Variants in ADCY9 observed in about 807,000 individuals in gnomAD.
The protein encoded by ADCY9 is adenylate cyclase type 9.
A neutral mutation model predicts 101.5 loss-of-function variants in ADCY9; 50 were observed. The ratio of observed to expected loss-of-function variants is 0.49; its 90% confidence interval spans 0.39 to 0.62. ADCY9 has a LOEUF of 0.62. Among genes scored for constraint, ADCY9 ranks in the 20% least tolerant of loss-of-function variants. The pLI is 0.00. For missense variants in ADCY9, 1,662 were observed against 1,800.4 expected, an observed-to-expected ratio of 0.92 and a Z score of 1.39; for synonymous variants, 905 against 769.3, an observed-to-expected ratio of 1.18 and a Z score of -2.92.
intron 10 of ADCY9, among the ~76,000 whole-genome samples, chr16:3,973,634 G>T (rs918529781): frequency 6.6e-6 from 1 of 151,880 alleles, no homozygotes; most frequent in African/African-American, 2.4e-5. Context: ...TGGGACTACA[G>T]GTGCATACCA....
chr16:4,076,508 G>A (rs1011114109), intron 2 of ADCY9, among the ~76,000 whole-genome samples: 7 of 152,216 alleles, frequency 4.6e-5, no homozygotes, highest in African/African-American at 1.7e-4. Context: ...TTTTCTTGCA[G>A]ATGAAATATT....
At chr16:3,974,482 A>G (rs1415341859) in intron 10 of ADCY9, among the ~76,000 whole-genome samples, 187 bp downstream of exon 10, 1 of 152,180 alleles carries the variant, frequency 6.6e-6, no homozygotes, top group Non-Finnish European at 1.5e-5. Flanking sequence ...AACTAATTTT[A>G]TTTTCCCCAT....
intron 6 of ADCY9, among the ~76,000 whole-genome samples, chr16:3,988,715 C>T (rs1384703442): frequency 6.6e-6 from 1 of 152,010 alleles, no homozygotes; most frequent in African/African-American, 2.4e-5. Context: ...GGGGGGGCCC[C>T]TTCCAAGGCT....
In ADCY9 at chr16:3,993,396, A is replaced by G. The variant is rs1567428512; in HGVS notation, c.1989+10T>C. ...GGAACTGACAGGAACAACAGCCATG[A>G]GCTTGTTACCTTGGTGCTGTTTTTA... On this transcript the variant is annotated intron_variant, in intron 4 of 10. Coordinates refer to ENST00000294016, the MANE Select transcript of ADCY9 (RefSeq NM_001116.4). 2 of 1,613,218 alleles carry G rather than the reference A, an allele frequency of 1.2e-6. No individual in the cohort carries two copies.
intron 2 of ADCY9, among the ~76,000 whole-genome samples, chr16:4,047,577 G>A (rs559886370): frequency 2.0e-5 from 3 of 152,062 alleles, no homozygotes; most frequent in African/African-American, 4.8e-5. Flanking sequence ...ACTGGTATTC[G>A]TTCAAGATGG....
intron 2 of ADCY9, among the ~76,000 whole-genome samples, chr16:4,054,803 G>A (rs1281707316): frequency 1.3e-5 from 2 of 152,022 alleles, no homozygotes; most frequent in South Asian, 2.1e-4. Context: ...TCCTGACCTC[G>A]TGATCCACCT....
intron 2 of ADCY9, among the ~76,000 whole-genome samples, chr16:4,008,659 C>T (rs537478269): frequency 6.6e-6 from 1 of 151,946 alleles, no homozygotes; most frequent in Non-Finnish European, 1.5e-5. Flanking sequence ...GCAGCCTCCA[C>T]CTCCTGGGTT....
chr16:4,044,945 A>C (rs1033083468), intron 2 of ADCY9, among the ~76,000 whole-genome samples: 1 of 152,092 alleles, frequency 6.6e-6, no homozygotes, highest in South Asian at 2.1e-4. Context: ...GTGACTGCCA[A>C]CTCTTTACGA....
chr16:4,111,680 A>T (rs73492581), intron 2 of ADCY9, among the ~76,000 whole-genome samples: 5,755 of 152,226 alleles, frequency 0.038, 343 homozygotes, highest in African/African-American at 0.13. Flanking sequence ...TAAAGGAAAG[A>T]ATATCACTTT....
At chr16:4,018,951 T>TTTGTGTGTGTGTGTGTGTG (rs1555509531) in intron 2 of ADCY9, among the ~76,000 whole-genome samples, 2 of 138,930 alleles carry the variant, frequency 1.4e-5, no homozygotes, top group Non-Finnish European at 3.1e-5. Flanking sequence ...AGAATCGCAG[T>TTTGTGTGTGTGTGTGTGTG]TGTGTGTGTG....
At chr16:3,991,617 T>C (rs1344176892) in intron 5 of ADCY9, among the ~76,000 whole-genome samples, 1 of 151,404 alleles carries the variant, frequency 6.6e-6, no homozygotes, top group Non-Finnish European at 1.5e-5. Flanking sequence ...AAAAATTAGC[T>C]GGGCATGGTT....
chr16:4,018,914 G>C (rs1336373808), intron 2 of ADCY9, among the ~76,000 whole-genome samples: 1 of 131,656 alleles, frequency 7.6e-6, no homozygotes, highest in Non-Finnish European at 1.7e-5. Flanking sequence ...ATGTATTTCG[G>C]ACTTCCTTTT....
intron 3 of ADCY9, among the ~76,000 whole-genome samples, chr16:4,003,565 T>C (rs1244447126): frequency 6.1e-5 from 2 of 32,966 alleles, no homozygotes; most frequent in East Asian, 7.2e-4. Context: ...TTTCTTTTCT[T>C]TTTTTTTTTT....
chr16:3,990,690 T>C (rs1016419069), intron 5 of ADCY9, among the ~76,000 whole-genome samples: 3 of 152,144 alleles, frequency 2.0e-5, no homozygotes, highest in Non-Finnish European at 2.9e-5. Context: ...TCAGGGAGTG[T>C]GGACTGAGGG....
chr16:4,097,543 ATATATATATATTTTT>A lies in ADCY9; in HGVS notation c.1693+16192_1693+16206del, dbSNP rs1235660746. The stretch of plus-strand genomic sequence containing the variant: ...TACATATGTACATATATATATATAT[ATATATATATATTTTT>A]TTTTTTTTTTTTTAAGACAGAGTCT... On this transcript the variant is annotated intron_variant, in intron 2 of 10. Coordinates refer to ENST00000294016, the MANE Select transcript of ADCY9 (RefSeq NM_001116.4). Among the ~76,000 whole-genome samples the A allele has an allele frequency of 4.2e-4, 22 of 52,368 alleles. 1 individual carries two copies. Among genetic ancestry groups the A allele is most frequent in the African/African-American group, 1.8e-3 (20 of 11,310 alleles). 34.4% of individuals were successfully genotyped at this position (52,368 alleles called of 152,430 possible).
chr16:4,081,492 G>A (rs2056902145), intron 2 of ADCY9, among the ~76,000 whole-genome samples: 1 of 152,244 alleles, frequency 6.6e-6, no homozygotes, highest in South Asian at 2.1e-4. Context: ...ACACATCAGT[G>A]ATATCTAAGA....
chr16:4,021,540 A>G (rs2056476840), intron 2 of ADCY9, among the ~76,000 whole-genome samples: 1 of 152,134 alleles, frequency 6.6e-6, no homozygotes, highest in Admixed American at 6.5e-5. Context: ...CTGTAGATAC[A>G]CGAGCTCCGT....
chr16:4,038,752 C>T (rs1370511069), intron 2 of ADCY9, among the ~76,000 whole-genome samples: 1 of 152,006 alleles, frequency 6.6e-6, no homozygotes, highest in African/African-American at 2.4e-5. Flanking sequence ...CAGAAGCCTC[C>T]AGGTCACTTT....
At chr16:4,106,405 G>A (rs1419385956) in intron 2 of ADCY9, among the ~76,000 whole-genome samples, 3 of 152,094 alleles carry the variant, frequency 2.0e-5, no homozygotes, top group East Asian at 1.9e-4. Flanking sequence ...CTTCTGTTCC[G>A]CGGCAGCACC....
Sources: gnomAD v4.1 joint callset for allele counts (sites outside exome capture counted in the v4.1 genomes callset) on GRCh38, gnomAD v4.1.1 for gene constraint, MANE v1.5 for transcripts, NCBI Gene and HGNC (gene_info 2026-07-23, HGNC 2026-07-21) for gene names.